Variants in SLCO6A1 observed in about 807,000 individuals in gnomAD.
SLCO6A1 encodes the protein cancer/testis antigen 48.
SLCO6A1 carries 65 observed loss-of-function variants against 72.7 expected under a neutral mutation model. That is an observed-to-expected ratio of 0.89 (90% CI 0.73 to 1.10). SLCO6A1 has a LOEUF of 1.10. Among genes scored for constraint, SLCO6A1 ranks in the 50% least tolerant of loss-of-function variants. The probability of loss-of-function intolerance (pLI) is 0.00; values close to 1 mark genes in which losing one functional copy is unlikely to be tolerated. For missense variants in SLCO6A1, 874 were observed against 872.6 expected, an observed-to-expected ratio of 1.00 and a Z score of -0.02; for synonymous variants, 314 against 298.2, an observed-to-expected ratio of 1.05 and a Z score of -0.55.
At chr5:102,383,912 T>C (rs777524342) in intron 12 of SLCO6A1, among the ~76,000 whole-genome samples, 8 of 152,006 alleles carry the variant, frequency 5.3e-5, no homozygotes, top group South Asian at 2.1e-4. Context: ...ATTATGTCTT[T>C]ATGAAGTTTT....
intron 2 of SLCO6A1, among the ~76,000 whole-genome samples, chr5:102,478,315 C>T (rs1752018390): frequency 6.6e-6 from 1 of 152,136 alleles, no homozygotes; most frequent in African/African-American, 2.4e-5. Flanking sequence ...ACATATTCCT[C>T]TTAAATTTGG....
At chr5:102,439,859 A>G (rs763322245) in intron 6 of SLCO6A1, among the ~76,000 whole-genome samples, 6 of 152,166 alleles carry the variant, frequency 3.9e-5, no homozygotes, top group Non-Finnish European at 8.8e-5. Flanking sequence ...TTCTTCATTT[A>G]GCTTGTACTT....
intron 4 of SLCO6A1, among the ~76,000 whole-genome samples, chr5:102,466,466 G>C (rs1264909119): frequency 6.6e-6 from 1 of 151,988 alleles, no homozygotes; most frequent in African/African-American, 2.4e-5. Context: ...TTGCTATTGT[G>C]AATAATGCTG....
intron 10 of SLCO6A1, among the ~76,000 whole-genome samples, chr5:102,392,084 A>C (rs1746794744): frequency 1.3e-5 from 2 of 152,098 alleles, no homozygotes. Flanking sequence ...TCGAACAATA[A>C]ACTATATTAT....
At chr5:102,414,498 T>TA (rs1561441374) in intron 8 of SLCO6A1, among the ~76,000 whole-genome samples, 2 of 152,226 alleles carry the variant, frequency 1.3e-5, no homozygotes, top group East Asian at 3.9e-4. Context: ...AAGATGCCAA[T>TA]AAAAATCTCT....
Position 102,388,744 on chromosome 5 carries a change from G to A in SLCO6A1, c.1961C>T (p.Thr654Ile). ...ILRDVNKCGH[T>I]GRCWIYNKTK... is the part of the protein sequence containing the mutation. ...CTTGTTATATATCCAACAACGTCCTGTGTGTCCACATTTATTAACATCCCG... is the reference window on the plus strand; with the variant it reads ...CTTGTTATATATCCAACAACGTCCTATGTGTCCACATTTATTAACATCCCG... The change falls in exon 12 of 14, where the codon ACA (threonine) becomes ATA (isoleucine). Residue 654 changes from threonine to isoleucine, a missense_variant. By Grantham distance (89) the Thr-to-Ile change is moderately conservative. Coordinates refer to ENST00000506729, the MANE Select transcript of SLCO6A1 (RefSeq NM_173488.5). The A allele has an allele frequency of 1.9e-6, 3 of 1,605,666 alleles. No individual in the cohort carries two copies. Among genetic ancestry groups the A allele is most frequent in the Non-Finnish European group, 2.5e-6 (3 of 1,176,702 alleles).
At chr5:102,419,387 G>A (rs573138269) in intron 8 of SLCO6A1, among the ~76,000 whole-genome samples, 4 of 152,046 alleles carry the variant, frequency 2.6e-5, no homozygotes, top group South Asian at 2.1e-4. Context: ...CCAATTCTTC[G>A]AATTTTGGCA....
intron 6 of SLCO6A1, among the ~76,000 whole-genome samples, chr5:102,457,587 A>T (rs902899817): frequency 1.2e-4 from 19 of 152,246 alleles, no homozygotes; most frequent in Non-Finnish European, 2.5e-4. Flanking sequence ...GCGATCATTA[A>T]AAAGTCAGGA....
At chr5:102,389,065 T>C (rs1746585866) in intron 11 of SLCO6A1, among the ~76,000 whole-genome samples, 1 of 152,190 alleles carries the variant, frequency 6.6e-6, no homozygotes, top group Admixed American at 6.5e-5. Flanking sequence ...GTTTAGAATG[T>C]TGTACATGTT....
chr5:102,403,904 T>C (rs1240819369), intron 9 of SLCO6A1, among the ~76,000 whole-genome samples: 1 of 152,096 alleles, frequency 6.6e-6, no homozygotes, highest in Non-Finnish European at 1.5e-5. Flanking sequence ...ATTATATATA[T>C]ACTTTTTACC....
Position 102,498,601 on chromosome 5 carries a change from C to G in SLCO6A1, c.244G>C (p.Asp82His). The G allele has an allele frequency of 2.5e-6, 4 of 1,614,250 alleles. No homozygotes were observed. Among genetic ancestry groups the G allele is most frequent in the Non-Finnish European group, 3.4e-6 (4 of 1,180,050 alleles). The change falls in exon 1 of 14, where the codon GAT (aspartate) becomes CAT (histidine). Residue 82 changes from aspartate (D) to histidine (H), a missense_variant. Physicochemically the swap from Asp to His is moderately conservative, Grantham distance 81. Coordinates refer to ENST00000506729, the MANE Select transcript of SLCO6A1 (RefSeq NM_173488.5). ...CCACAGGGCTGCTCCAAACTGTCAT[C>G]CACTTCTCCCGGCTTCTTGGAAACT... ...SSVSKKPGEV[D>H]DSLEQPCGLG...
intron 4 of SLCO6A1, among the ~76,000 whole-genome samples, chr5:102,460,899 C>CATATATATATATATAT (rs60973292): frequency 7.7e-6 from 1 of 130,292 alleles, no homozygotes; most frequent in African/African-American, 2.8e-5. Context: ...CCACTTATCT[C>CATATATATATATATAT]ATATATATAT....
intron 6 of SLCO6A1, among the ~76,000 whole-genome samples, chr5:102,449,690 A>G (rs9716289): frequency 1.3e-5 from 2 of 152,020 alleles, no homozygotes; most frequent in Non-Finnish European, 2.9e-5. Context: ...TGATTTTTGT[A>G]TTGACCTCTC....
intron 7 of SLCO6A1, among the ~76,000 whole-genome samples, chr5:102,429,656 G>GGCT (rs1749107560): frequency 1.3e-4 from 19 of 151,870 alleles, no homozygotes; most frequent in African/African-American, 4.4e-4. Context: ...CTGTTCCATT[G>GGCT]GTCTATGTGT....
At chr5:102,476,386 T>A (rs1382239016) in intron 3 of SLCO6A1, among the ~76,000 whole-genome samples, 1 of 152,158 alleles carries the variant, frequency 6.6e-6, no homozygotes, top group African/African-American at 2.4e-5. Flanking sequence ...GATGTTACAA[T>A]CTTTAGGTAG....
Position 102,480,247 on chromosome 5 carries a change from T to TACAAA in SLCO6A1, c.545_546insTTTGT (p.Gly184TyrfsTer21), listed in dbSNP as rs762036355. ...GAAAAGCACATAAAAGTGATCCAAGTCCTATTAAAAAGGAGGAAGCTACAA... is the reference window on the plus strand; with the variant it reads ...GAAAAGCACATAAAAGTGATCCAAGTACAAACCTATTAAAAAGGAGGAAGCTACAA... On this transcript the variant is annotated frameshift_variant, in exon 2 of 14. Transcript: ENST00000506729. LOFTEE classifies it high-confidence loss of function. 8 of 1,612,926 alleles carry TACAAA rather than the reference T, an allele frequency of 5.0e-6. No individual in the cohort carries two copies. The highest frequency in any genetic ancestry group is 1.7e-5 in the Admixed American group (1 of 59,908).
chr5:102,483,008 T>G (rs113420059), intron 1 of SLCO6A1, among the ~76,000 whole-genome samples: 2,610 of 152,250 alleles, frequency 0.017, 35 homozygotes, highest in African/African-American at 0.033. Flanking sequence ...TCTGGTGAAG[T>G]TAAGGCCATG....
At chr5:102,380,762 G>C in intron 12 of SLCO6A1, among the ~76,000 whole-genome samples, 1 of 151,944 alleles carries the variant, frequency 6.6e-6, no homozygotes. Flanking sequence ...TTCAGTTAAT[G>C]TAAATGTAAA....
intron 6 of SLCO6A1, among the ~76,000 whole-genome samples, chr5:102,444,399 T>A (rs938040047): frequency 1.3e-5 from 2 of 152,116 alleles, no homozygotes; most frequent in African/African-American, 4.8e-5. Flanking sequence ...GACCTTTCCC[T>A]AGAGACAAAA....
Sources: gnomAD v4.1 joint callset for allele counts (sites outside exome capture counted in the v4.1 genomes callset) on GRCh38, gnomAD v4.1.1 for gene constraint, MANE v1.5 for transcripts, NCBI Gene and HGNC (gene_info 2026-07-23, HGNC 2026-07-21) for gene names.